Variants in CRX observed in about 807,000 individuals in gnomAD.
The protein encoded by CRX is cone-rod homeobox protein.
A neutral mutation model predicts 13.1 loss-of-function variants in CRX; 5 were observed. The observed-to-expected ratio is 0.38, with a 90% confidence interval of 0.20 to 0.80. The LOEUF is 0.80. Ranked by LOEUF, CRX falls within the 30% of genes least tolerant of loss-of-function variation. CRX has a pLI of 0.43. For synonymous variants in CRX, 179 were observed against 171.1 expected, an observed-to-expected ratio of 1.05 and a Z score of -0.36; for missense variants, 351 against 391.8, an observed-to-expected ratio of 0.90 and a Z score of 0.88.
At chr19:47,823,095 C>A (rs76361345) in intron 1 of CRX, among the ~76,000 whole-genome samples, 1 of 152,042 alleles carries the variant, frequency 6.6e-6, no homozygotes, top group Non-Finnish European at 1.5e-5. Context: ...TGCGCCCAGC[C>A]GGTCTCCTGC....
chr19:47,822,814 G>T (rs1967928488), intron 1 of CRX, among the ~76,000 whole-genome samples: 1 of 152,058 alleles, frequency 6.6e-6, no homozygotes, highest in South Asian at 2.1e-4. Context: ...TTGTTTTTGA[G>T]ATGGAGTCTT....
rs112778911 is a variant in CRX, at chr19:47,837,277, C to T, written c.252+883C>T. On this transcript the variant is annotated intron_variant, in intron 3 of 3. Transcript: ENST00000221996. ...CGCCTCCTGGGTTCAAGTGATTCTC[C>T]TGCCTCAGCCTCCTGTGTAGCTGGG... Among the ~76,000 whole-genome samples the T allele has an allele frequency of 1.7e-4, 26 of 152,320 alleles. 1 individual carries two copies. The highest frequency in any genetic ancestry group is 6.3e-4 in the African/African-American group (26 of 41,576).
At chr19:47,837,644 A>G (rs1968133964) in intron 3 of CRX, among the ~76,000 whole-genome samples, 1 of 146,338 alleles carries the variant, frequency 6.8e-6, no homozygotes, top group Non-Finnish European at 1.5e-5. Flanking sequence ...GTATGTTTGT[A>G]TAATCAGATG....
intron 1 of CRX, among the ~76,000 whole-genome samples, chr19:47,823,257 T>G (rs892171382): frequency 2.0e-5 from 3 of 152,018 alleles, no homozygotes; most frequent in African/African-American, 7.2e-5. Flanking sequence ...AATGAATGAA[T>G]GAAGGGCAGA....
Position 47,840,044 on chromosome 19 carries a change from C to G in CRX, c.*77C>G, listed in dbSNP as rs1160092029. On this transcript the variant is annotated 3_prime_UTR_variant, in exon 4 of 4. Coordinates refer to ENST00000221996, the MANE Select transcript of CRX (RefSeq NM_000554.6). Reference sequence around the variant, plus strand: ...GAATCTGCTTCCCTGCAGTTTAGATCCCGGGATGGCATTCCTGAGAAAGCA... The same window carrying G: ...GAATCTGCTTCCCTGCAGTTTAGATGCCGGGATGGCATTCCTGAGAAAGCA... 5.8e-6 allele frequency: 9 copies of G among 1,563,202 alleles called. No homozygotes were observed. In the East Asian group the frequency reaches 2.0e-4, roughly 35 times the overall value.
intron 3 of CRX, 98 bp downstream of exon 3, chr19:47,836,492 G>C (rs1568624941): frequency 6.6e-7 from 1 of 1,509,128 alleles, no homozygotes; most frequent in Non-Finnish European, 9.2e-7. Context: ...AGATCACAGA[G>C]TGACAGCCAA....
rs769984810 is a variant in CRX at position 47,839,575 on chromosome 19, C to T, written c.508C>T (p.Pro170Ser). The T allele has an allele frequency of 5.8e-5, 94 of 1,612,636 alleles. 1 individual carries two copies. In the Middle Eastern group the frequency reaches 8.3e-4, roughly 14 times the overall value. The change falls in exon 4 of 4, where the codon CCT becomes TCT. Residue 170 changes from proline (P) to serine (S), a missense_variant. Transcript: ENST00000221996. The surrounding 1 kb of genome is among the most constrained non-coding windows in gnomAD (Gnocchi z 4.6). The part of the protein sequence containing the change: ...VSIWSPASES[P>S]LPEAQRAGLV... ...CATCTGGAGCCCAGCCTCAGAGTCCCCTTTGCCTGAGGCGCAGCGGGCTGG... is the reference window on the plus strand; with the variant it reads ...CATCTGGAGCCCAGCCTCAGAGTCCTCTTTGCCTGAGGCGCAGCGGGCTGG...
At chr19:47,825,922 TAAC>T (rs577839558) in intron 1 of CRX, among the ~76,000 whole-genome samples, 24 of 152,128 alleles carry the variant, frequency 1.6e-4, no homozygotes, top group Non-Finnish European at 2.9e-4. Flanking sequence ...CGTCTCAAAA[TAAC>T]AACAACAACA....
At chr19:47,824,939 ATTCT>A (rs1450106073) in intron 1 of CRX, among the ~76,000 whole-genome samples, 1 of 138,652 alleles carries the variant, frequency 7.2e-6, no homozygotes, top group East Asian at 2.0e-4. Flanking sequence ...ATTCCTGGAC[ATTCT>A]TTTTTTTTTT....
chr19:47,833,338 G>T (rs969400203), intron 1 of CRX, among the ~76,000 whole-genome samples: 2 of 151,714 alleles, frequency 1.3e-5, no homozygotes, highest in East Asian at 3.9e-4. Flanking sequence ...CTGGAGTGCG[G>T]TGGTGCGATC....
At chr19:47,826,050 T>C (rs1455282728) in intron 1 of CRX, among the ~76,000 whole-genome samples, 2 of 152,180 alleles carry the variant, frequency 1.3e-5, no homozygotes, top group Non-Finnish European at 2.9e-5. Context: ...ACAATGAAAG[T>C]GTGTGCTTTT....
chr19:47,830,289 A>T (rs1249452071), intron 1 of CRX, among the ~76,000 whole-genome samples: 4 of 151,962 alleles, frequency 2.6e-5, no homozygotes, highest in Non-Finnish European at 5.9e-5. Context: ...GGCCTGGATG[A>T]CAGAGGGAGA....
chr19:47,837,596 T>C (rs1968132955), intron 3 of CRX, among the ~76,000 whole-genome samples: 1 of 152,172 alleles, frequency 6.6e-6, no homozygotes, highest in African/African-American at 2.4e-5. Context: ...ATGCATGATG[T>C]ATGTGTGTAT....
chr19:47,825,878 C>T lies in CRX; in HGVS notation c.-36+3868C>T, dbSNP rs368237385. ...TGGAGGTTGCAGTGAGCCAAGATTG[C>T]GCCACTGCACTCCAGCATGGGTGAC... On this transcript the variant is annotated intron_variant, in intron 1 of 3. Coordinates refer to ENST00000221996, the MANE Select transcript of CRX (RefSeq NM_000554.6). Among the ~76,000 whole-genome samples, 18 of 152,090 alleles carry T rather than the reference C, an allele frequency of 1.2e-4. No individual in the cohort carries two copies. In the South Asian group the frequency reaches 2.3e-3, roughly 19 times the overall value.
In CRX at chr19:47,834,473, C is replaced by A; in HGVS notation, c.30C>A (p.His10Gln). The A allele has an allele frequency of 1.2e-6, 2 of 1,614,166 alleles. No individual in the cohort carries two copies. Among genetic ancestry groups the A allele is most frequent in the Non-Finnish European group, 1.7e-6 (2 of 1,180,026 alleles). Residue 10 changes from histidine to glutamine, a missense_variant, in exon 2 of 4, where the codon CAC (histidine) becomes CAA (glutamine). Coordinates refer to ENST00000221996, the MANE Select transcript of CRX (RefSeq NM_000554.6). MMAYMNPGPHYSVNALALSG... is the reference protein window; with the variant it reads MMAYMNPGPQYSVNALALSG... ...TGGCGTATATGAACCCGGGGCCCCA[C>A]TATTCTGTCAACGCCTTGGCCCTAA...
chr19:47,833,538 T>C (rs1211058521), intron 1 of CRX, among the ~76,000 whole-genome samples: 1 of 152,094 alleles, frequency 6.6e-6, no homozygotes, highest in Non-Finnish European at 1.5e-5. Context: ...CATCTCAGCC[T>C]CCCAAAGTGC....
At chr19:47,832,203 T>G (rs1049955634) in intron 1 of CRX, among the ~76,000 whole-genome samples, 8 of 146,258 alleles carry the variant, frequency 5.5e-5, no homozygotes, top group African/African-American at 1.9e-4. Flanking sequence ...CCTCCCGGGT[T>G]CAAGCGATTC....
intron 1 of CRX, among the ~76,000 whole-genome samples, chr19:47,830,338 C>A (rs940624114): frequency 4.0e-5 from 6 of 151,778 alleles, no homozygotes; most frequent in Admixed American, 1.3e-4. Context: ...AAATCTGATT[C>A]TCTGACGCAT....
intron 2 of CRX, among the ~76,000 whole-genome samples, chr19:47,835,170 A>G (rs576591347): frequency 6.6e-6 from 1 of 151,938 alleles, no homozygotes; most frequent in African/African-American, 2.4e-5. Context: ...AACTTTTTTA[A>G]GTTTTTGTAG....
Sources: gnomAD v4.1 joint callset for allele counts (sites outside exome capture counted in the v4.1 genomes callset) on GRCh38, gnomAD v4.1.1 for gene constraint, Gnocchi (gnomAD v3.1) non-coding constraint, MANE v1.5 for transcripts, NCBI Gene and HGNC (gene_info 2026-07-23, HGNC 2026-07-21) for gene names.